The following TMX2 variants were observed in gnomAD, a reference collection of about 807,000 sequenced individuals.
The protein encoded by TMX2 is thioredoxin related transmembrane protein 2.
TMX2 carries 20 observed loss-of-function variants against 33.4 expected under a neutral mutation model. That is an observed-to-expected ratio of 0.60 (90% CI 0.42 to 0.87). The LOEUF (loss-of-function observed/expected upper bound fraction) is 0.87, where lower values mean the gene tolerates loss of function less well. TMX2 is among the 40% of genes least tolerant of loss of function. The pLI, the probability that TMX2 is intolerant of heterozygous loss-of-function variation, is 0.00. For synonymous variants in TMX2, 166 were observed against 140.7 expected, an observed-to-expected ratio of 1.18 and a Z score of -1.27; for missense variants, 340 against 370.7, an observed-to-expected ratio of 0.92 and a Z score of 0.68.
At chr11:57,712,897 G>T in intron 1 of TMX2, 90 bp downstream of exon 1, 1 of 1,408,030 alleles carries the variant, frequency 7.1e-7, no homozygotes. Context: ...CCTCTCTGAG[G>T]ACACCTGAGG....
Position 57,712,640 on chromosome 11 carries a change from A to C in TMX2, c.22A>C (p.Ile8Leu), listed in dbSNP as rs977933751. The C allele has an allele frequency of 6.2e-7, 1 of 1,613,912 alleles. No individual in the cohort carries two copies. The highest frequency in any genetic ancestry group is 1.3e-5 in the African/African-American group (1 of 75,016). The change falls in exon 1 of 8, where the codon ATT (isoleucine) becomes CTT (leucine). Residue 8 changes from isoleucine to leucine, a missense_variant. Coordinates refer to ENST00000278422, the MANE Select transcript of TMX2 (RefSeq NM_015959.4). Reference sequence around the variant, plus strand: ...AAAGATGGCGGTCTTGGCACCTCTAATTGCTCTCGTGTATTCGGTGCCGCG... The same window carrying C: ...AAAGATGGCGGTCTTGGCACCTCTACTTGCTCTCGTGTATTCGGTGCCGCG... The part of the protein sequence containing the change: MAVLAPL[I>L]ALVYSVPRLS...
chr11:57,730,426 T>TAA (rs61228178), intron 1 of TMX2, among the ~76,000 whole-genome samples: 23 of 23,596 alleles, frequency 9.7e-4, no homozygotes, highest in African/African-American at 3.3e-3. Context: ...AAACTGTCTT[T>TAA]AAAAAAAAAA....
chr11:57,740,357 G>T lies in TMX2; in HGVS notation c.*112G>T. ...GTTTTCCCTTTGGCTGTGACTGGGT[G>T]GGGCAGCATGCAGCTTCTGATTTTA... On this transcript the variant is annotated 3_prime_UTR_variant, in exon 8 of 8. Transcript: ENST00000278422. The T allele has an allele frequency of 7.8e-7, 1 of 1,289,262 alleles. No homozygotes were observed. 79.9% of individuals were successfully genotyped at this position (1,289,262 alleles called of 1,614,324 possible).
intron 1 of TMX2, chr11:57,718,013 T>C: frequency 2.4e-6 from 2 of 825,636 alleles, no homozygotes; most frequent in Non-Finnish European, 4.2e-6. Context: ...AATGGTCTGG[T>C]GGTGAAGACA....
intron 1 of TMX2, among the ~76,000 whole-genome samples, chr11:57,732,315 A>G (rs955072150): frequency 6.6e-6 from 1 of 152,186 alleles, no homozygotes; most frequent in African/African-American, 2.4e-5. Flanking sequence ...AAAATGAGTC[A>G]TTACCTTTAC....
At chr11:57,722,255 G>A (rs1266184568) in intron 1 of TMX2, among the ~76,000 whole-genome samples, 1 of 152,154 alleles carries the variant, frequency 6.6e-6, no homozygotes, top group Non-Finnish European at 1.5e-5. Context: ...TCCCACCACA[G>A]CCTCCCAAAG....
chr11:57,718,626 T>G (rs888168588), intron 1 of TMX2: 30 of 409,502 alleles, frequency 7.3e-5, no homozygotes, highest in African/African-American at 4.9e-4. Context: ...TTTTCCTCCA[T>G]TCATTTATTC....
chr11:57,723,777 T>TGG (rs912377805), intron 1 of TMX2, among the ~76,000 whole-genome samples: 1 of 149,206 alleles, frequency 6.7e-6, no homozygotes, highest in African/African-American at 2.5e-5. Flanking sequence ...CACTCCAGCC[T>TGG]GGGTGACAGA....
intron 1 of TMX2, among the ~76,000 whole-genome samples, chr11:57,722,239 C>T (rs1385078477): frequency 1.3e-5 from 2 of 151,986 alleles, no homozygotes; most frequent in Non-Finnish European, 2.9e-5. Flanking sequence ...TGAGCTCAAG[C>T]GATCCTCCCA....
intron 1 of TMX2, among the ~76,000 whole-genome samples, chr11:57,726,342 G>A (rs1023107887): frequency 9.2e-5 from 14 of 151,974 alleles, no homozygotes; most frequent in Non-Finnish European, 2.1e-4. Flanking sequence ...GAACCCGGGA[G>A]GCGGAGGTTG....
At chr11:57,734,906 C>T (rs536041426) in intron 1 of TMX2, among the ~76,000 whole-genome samples, 4 of 151,702 alleles carry the variant, frequency 2.6e-5, no homozygotes, top group East Asian at 4.0e-4. Flanking sequence ...GAGGCCGAGG[C>T]GGGCAGATCA....
chr11:57,730,209 C>G (rs2135569710), intron 1 of TMX2, among the ~76,000 whole-genome samples: 1 of 144,192 alleles, frequency 6.9e-6, no homozygotes, highest in African/African-American at 2.6e-5. Flanking sequence ...GGTGGATCAC[C>G]TGATGTCAGG....
intron 1 of TMX2, among the ~76,000 whole-genome samples, chr11:57,736,627 C>T (rs774943607): frequency 5.5e-4 from 84 of 152,144 alleles, no homozygotes; most frequent in Non-Finnish European, 9.0e-4. Flanking sequence ...GTGGCTCACA[C>T]CTGTAATCCC....
intron 1 of TMX2, among the ~76,000 whole-genome samples, chr11:57,719,678 G>A (rs534675511): frequency 2.6e-5 from 4 of 151,664 alleles, no homozygotes; most frequent in South Asian, 2.1e-4. Flanking sequence ...CACCACGCCC[G>A]GCTAATTTTT....
Position 57,738,882 on chromosome 11 carries a change from G to A in TMX2, c.549-92G>A, listed in dbSNP as rs1413480459. 2.0e-6 allele frequency: 3 copies of A among 1,532,682 alleles called. No homozygotes were observed. The African/African-American group carries it at 4.1e-5, about 21-fold the overall frequency. 94.9% of individuals were successfully genotyped at this position (1,532,682 alleles called of 1,614,324 possible). On this transcript the variant is annotated intron_variant, in intron 5 of 7. Transcript: ENST00000278422. ...TTGATTTTCACACATGGTAACCAAA[G>A]GCATCTCCCTCTCCCCTCTTAAATA...
chr11:57,734,241 A>ACTTTCATT (rs892294168), intron 1 of TMX2, among the ~76,000 whole-genome samples: 1 of 150,486 alleles, frequency 6.6e-6, no homozygotes, highest in Admixed American at 6.7e-5. Context: ...GTGGTAAATC[A>ACTTTCATT]CTTTCATTCA....
At chr11:57,733,247 A>AT (rs71061537) in intron 1 of TMX2, among the ~76,000 whole-genome samples, 4,004 of 74,788 alleles carry the variant, frequency 0.054, 117 homozygotes, top group African/African-American at 0.092. Flanking sequence ...ACAGTGAGGA[A>AT]TTTTTTTTTT....
intron 1 of TMX2, among the ~76,000 whole-genome samples, chr11:57,724,924 G>A (rs1947876616): frequency 1.3e-5 from 2 of 151,974 alleles, no homozygotes; most frequent in Non-Finnish European, 1.5e-5. Context: ...TGTAATCCCA[G>A]CTACTCGGGA....
intron 1 of TMX2, among the ~76,000 whole-genome samples, chr11:57,717,486 C>G (rs886837460): frequency 6.6e-6 from 1 of 151,938 alleles, no homozygotes; most frequent in African/African-American, 2.4e-5. Flanking sequence ...GGATCACTCG[C>G]GGTTAGGAGC....
Sources: gnomAD v4.1 joint callset for allele counts (sites outside exome capture counted in the v4.1 genomes callset) on GRCh38, gnomAD v4.1.1 for gene constraint, MANE v1.5 for transcripts, NCBI Gene and HGNC (gene_info 2026-07-23, HGNC 2026-07-21) for gene names.